Variants in PGCKA1 observed in about 807,000 individuals in gnomAD.
PGCKA1 encodes PDCD10 and GCKIII kinases associated 1, also known as PDCD10 and GCKIII kinases-associated protein 1.
the PGCKA1 span, among the ~76,000 whole-genome samples, chr4:37,568,498 A>G: frequency 6.6e-6 from 1 of 152,204 alleles, no homozygotes; most frequent in Non-Finnish European, 1.5e-5. Flanking sequence ...TGTTACACAC[A>G]TTCTGTCCCA....
the PGCKA1 span, among the ~76,000 whole-genome samples, chr4:37,477,833 T>C: frequency 6.6e-6 from 1 of 152,144 alleles, no homozygotes; most frequent in East Asian, 1.9e-4. Context: ...TTCTAAAATA[T>C]GTACAGATTG....
At chr4:37,486,034 C>T in the PGCKA1 span, among the ~76,000 whole-genome samples, 6 of 152,134 alleles carry the variant, frequency 3.9e-5, no homozygotes, top group Non-Finnish European at 7.3e-5. Flanking sequence ...TAATTTGAGA[C>T]GGATATGTCT....
chr4:37,578,015 C>T, the PGCKA1 span, among the ~76,000 whole-genome samples: 2 of 152,152 alleles, frequency 1.3e-5, no homozygotes, highest in East Asian at 1.9e-4. Context: ...AAAGAATGTA[C>T]ATTCTACAGC....
chr4:37,525,410 G>T, the PGCKA1 span, among the ~76,000 whole-genome samples: 1 of 152,138 alleles, frequency 6.6e-6, no homozygotes, highest in African/African-American at 2.4e-5. Flanking sequence ...AGCATGAGGT[G>T]GGTGAGAATT....
At chr4:37,491,301 T>C in the PGCKA1 span, among the ~76,000 whole-genome samples, 1 of 152,238 alleles carries the variant, frequency 6.6e-6, no homozygotes, top group African/African-American at 2.4e-5. Flanking sequence ...CACAGGCAGT[T>C]AATTCCCATC....
the PGCKA1 span, among the ~76,000 whole-genome samples, chr4:37,563,990 C>T: frequency 6.6e-6 from 1 of 152,104 alleles, no homozygotes; most frequent in Non-Finnish European, 1.5e-5. Context: ...AGAATATTCT[C>T]AGCCAGGGAC....
At chr4:37,465,101 G>A in the PGCKA1 span, among the ~76,000 whole-genome samples, 68 of 152,170 alleles carry the variant, frequency 4.5e-4, no homozygotes, top group African/African-American at 1.5e-3. Context: ...AGAGAGGGCC[G>A]TGGCCTCACT....
At chr4:37,504,902 GC>G in the PGCKA1 span, among the ~76,000 whole-genome samples, 3 of 152,068 alleles carry the variant, frequency 2.0e-5, no homozygotes, top group Non-Finnish European at 4.4e-5. Context: ...AAATCTGGAT[GC>G]CCTTTATTTC....
chr4:37,489,420 A>G, the PGCKA1 span, among the ~76,000 whole-genome samples: 4 of 152,160 alleles, frequency 2.6e-5, no homozygotes, highest in African/African-American at 4.8e-5. Flanking sequence ...GATTTTAGCC[A>G]TAGATAGCTT....
the PGCKA1 span, among the ~76,000 whole-genome samples, chr4:37,517,740 T>G: frequency 6.6e-6 from 1 of 152,226 alleles, no homozygotes; most frequent in African/African-American, 2.4e-5. Context: ...CGAGTATTTA[T>G]CCTTTGAGTT....
At chr4:37,509,130 C>A in the PGCKA1 span, among the ~76,000 whole-genome samples, 2,730 of 150,992 alleles carry the variant, frequency 0.018, 96 homozygotes, top group African/African-American at 0.063. Context: ...CCCCACATTT[C>A]CCCCTTTTCT....
At chr4:37,457,155 A>G in the PGCKA1 span, among the ~76,000 whole-genome samples, 1 of 152,226 alleles carries the variant, frequency 6.6e-6, no homozygotes, top group African/African-American at 2.4e-5. Context: ...TACAGACTTA[A>G]ATATCTACAT....
At chr4:37,554,644 G>T in the PGCKA1 span, among the ~76,000 whole-genome samples, 2 of 152,104 alleles carry the variant, frequency 1.3e-5, no homozygotes, top group African/African-American at 4.8e-5. Context: ...CACCACACCC[G>T]GCCTAGAAAT....
chr4:37,465,320 G>T, the PGCKA1 span, among the ~76,000 whole-genome samples: 1 of 151,924 alleles, frequency 6.6e-6, no homozygotes, highest in Non-Finnish European at 1.5e-5. Flanking sequence ...ACCGTGCCAG[G>T]TGGTGAGGAT....
the PGCKA1 span, among the ~76,000 whole-genome samples, chr4:37,464,067 G>A: frequency 1.3e-5 from 2 of 152,172 alleles, no homozygotes; most frequent in African/African-American, 4.8e-5. Context: ...AGCATCATAT[G>A]CACATTTGTT....
chr4:37,591,106 G>C, the PGCKA1 span: 1 of 917,282 alleles, frequency 1.1e-6, no homozygotes, highest in South Asian at 1.7e-5. Context: ...CACCAGTGCA[G>C]CCTTACCAGT....
At chr4:37,539,161 A>G in the PGCKA1 span, among the ~76,000 whole-genome samples, 1 of 152,216 alleles carries the variant, frequency 6.6e-6, no homozygotes, top group Non-Finnish European at 1.5e-5. Flanking sequence ...AACAGACCAT[A>G]CATGGGATTA....
chr4:37,525,742 T>C, the PGCKA1 span, among the ~76,000 whole-genome samples: 1 of 152,186 alleles, frequency 6.6e-6, no homozygotes, highest in Admixed American at 6.5e-5. Context: ...CACCAAAGGC[T>C]TCACTCGATG....
At chr4:37,507,689 G>A in the PGCKA1 span, among the ~76,000 whole-genome samples, 1 of 151,828 alleles carries the variant, frequency 6.6e-6, no homozygotes, top group Non-Finnish European at 1.5e-5. Context: ...TAGTCTTTCT[G>A]TCTAAAAAAA....
Sources: allele counts gnomAD v4.1 joint callset (sites outside exome capture counted in the v4.1 genomes callset), GRCh38; gene constraint gnomAD v4.1.1; transcripts MANE v1.5; gene names NCBI Gene and HGNC (gene_info 2026-07-23, HGNC 2026-07-21).